The following C10orf90 variants were observed in gnomAD, a reference collection of about 807,000 sequenced individuals.
C10orf90 encodes the protein chromosome 10 open reading frame 90.
A neutral mutation model predicts 62.5 loss-of-function variants in C10orf90; 56 were observed. The observed-to-expected ratio is 0.90, with a 90% CI of 0.72 to 1.12. The LOEUF is 1.12. C10orf90 is among the 50% of genes most tolerant of loss of function. The pLI, the probability that C10orf90 is intolerant of heterozygous loss-of-function variation, is 0.00. For synonymous variants in C10orf90, 386 were observed against 340.4 expected, an observed-to-expected ratio of 1.13 and a Z score of -1.47; for missense variants, 970 against 880.4, an observed-to-expected ratio of 1.10 and a Z score of -1.29.
At chr10:126,611,881 G>A (rs914486233) in intron 2 of C10orf90, among the ~76,000 whole-genome samples, 5 of 152,158 alleles carry the variant, frequency 3.3e-5, no homozygotes, top group African/African-American at 1.2e-4. Flanking sequence ...ATTCACAATG[G>A]CACAAATCCC....
intron 8 of C10orf90, among the ~76,000 whole-genome samples, chr10:126,426,773 A>G (rs1318272840): frequency 6.6e-6 from 1 of 152,194 alleles, no homozygotes; most frequent in African/African-American, 2.4e-5. Flanking sequence ...TGTGGCACTC[A>G]GCTAAAACAT....
chr10:126,563,138 G>A (rs149106379), intron 2 of C10orf90, among the ~76,000 whole-genome samples: 232 of 152,304 alleles, frequency 1.5e-3, no homozygotes, highest in African/African-American at 5.5e-3. Context: ...ACTCCAGCTG[G>A]TTGTTGTTTA....
At chr10:126,596,637 CAG>C (rs749698210) in intron 2 of C10orf90, among the ~76,000 whole-genome samples, 117 of 152,312 alleles carry the variant, frequency 7.7e-4, no homozygotes, top group Middle Eastern at 3.4e-3. Context: ...TACAGTTGTG[CAG>C]AGTCATCTGA....
At chr10:126,444,688 AATC>A (rs753087289) in intron 7 of C10orf90, among the ~76,000 whole-genome samples, 2 of 152,162 alleles carry the variant, frequency 1.3e-5, no homozygotes, top group East Asian at 1.9e-4. Flanking sequence ...ATCCATGTGA[AATC>A]AAAAAAGAGC....
At chr10:126,493,970 C>T (rs116030943) in intron 4 of C10orf90, among the ~76,000 whole-genome samples, 1 of 152,204 alleles carries the variant, frequency 6.6e-6, no homozygotes, top group Admixed American at 6.5e-5. Context: ...TCTGATGCTC[C>T]ACTGTTCACA....
intron 2 of C10orf90, among the ~76,000 whole-genome samples, chr10:126,636,171 G>A (rs750903690): frequency 1.3e-5 from 2 of 152,128 alleles, no homozygotes; most frequent in Non-Finnish European, 2.9e-5. Context: ...TTTGCAGCAG[G>A]ACACGTGACA....
chr10:126,606,429 C>T (rs1013054690), intron 2 of C10orf90, among the ~76,000 whole-genome samples: 1 of 152,204 alleles, frequency 6.6e-6, no homozygotes, highest in African/African-American at 2.4e-5. Flanking sequence ...GATCCATGAA[C>T]ATCTGATTTA....
At chr10:126,618,411 C>G (rs1055710438) in intron 2 of C10orf90, among the ~76,000 whole-genome samples, 1 of 152,184 alleles carries the variant, frequency 6.6e-6, no homozygotes, top group African/African-American at 2.4e-5. Context: ...GGGCCTCCCG[C>G]CTCCCCACAT....
chr10:126,576,729 T>G (rs1844629234), intron 2 of C10orf90, among the ~76,000 whole-genome samples: 10 of 50,620 alleles, frequency 2.0e-4, no homozygotes, highest in Non-Finnish European at 3.0e-4. Flanking sequence ...GATATACATA[T>G]ATATGTATAT....
At chr10:126,531,940 C>T (rs1277008846) in intron 2 of C10orf90, among the ~76,000 whole-genome samples, 3 of 152,166 alleles carry the variant, frequency 2.0e-5, no homozygotes, top group Non-Finnish European at 4.4e-5. Context: ...AATAAAAAGA[C>T]AACCAATCCA....
intron 2 of C10orf90, among the ~76,000 whole-genome samples, chr10:126,542,399 A>G (rs1836941): frequency 0.65 from 98,872 of 151,942 alleles, 33,148 homozygotes; most frequent in African/African-American, 0.82. Context: ...GTTACTCGGG[A>G]TGCTGAGGCA....
intron 2 of C10orf90, among the ~76,000 whole-genome samples, chr10:126,558,927 CCA>C (rs1282252053): frequency 1.3e-5 from 2 of 152,190 alleles, no homozygotes; most frequent in Non-Finnish European, 2.9e-5. Context: ...AATGTGAGGG[CCA>C]CACACCATTA....
At chr10:126,644,097 G>A (rs1846117685) in intron 2 of C10orf90, among the ~76,000 whole-genome samples, 1 of 152,230 alleles carries the variant, frequency 6.6e-6, no homozygotes, top group Non-Finnish European at 1.5e-5. Context: ...CACGATTGGA[G>A]AGAATCCTGC....
At chr10:126,620,582 G>C (rs1385469233) in intron 2 of C10orf90, among the ~76,000 whole-genome samples, 2 of 152,020 alleles carry the variant, frequency 1.3e-5, no homozygotes, top group African/African-American at 4.8e-5. Flanking sequence ...ACTTTTATTT[G>C]TATTTCTTGA....
chr10:126,554,650 C>T (rs1864718822), intron 2 of C10orf90, among the ~76,000 whole-genome samples: 3 of 152,192 alleles, frequency 2.0e-5, no homozygotes, highest in African/African-American at 7.2e-5. Context: ...GTGATAGAGT[C>T]CTCTTCAACT....
chr10:126,586,269 G>A (rs564168808), intron 2 of C10orf90, among the ~76,000 whole-genome samples: 88 of 152,354 alleles, frequency 5.8e-4, no homozygotes, highest in Non-Finnish European at 1.2e-3. Flanking sequence ...AAAGAGATAT[G>A]AGGACGCTGT....
At chr10:126,537,561 C>T (rs529000624) in intron 2 of C10orf90, among the ~76,000 whole-genome samples, 21 of 152,290 alleles carry the variant, frequency 1.4e-4, no homozygotes, top group Admixed American at 2.6e-4. Flanking sequence ...GTCTGAGCTT[C>T]GAAGGTTGTT....
chr10:126,580,211 C>T (rs908385048), intron 2 of C10orf90, among the ~76,000 whole-genome samples: 8 of 152,184 alleles, frequency 5.3e-5, no homozygotes, highest in African/African-American at 1.9e-4. Context: ...GGATGCCCAC[C>T]GCTGTCCTAA....
intron 2 of C10orf90, among the ~76,000 whole-genome samples, chr10:126,597,342 C>T (rs1436570469): frequency 6.6e-6 from 1 of 152,166 alleles, no homozygotes; most frequent in Non-Finnish European, 1.5e-5. Context: ...ATGGATATTC[C>T]AGGCAGAGGG....
Sources: allele counts gnomAD v4.1 joint callset (sites outside exome capture counted in the v4.1 genomes callset), GRCh38; gene constraint gnomAD v4.1.1; transcripts MANE v1.5; gene names NCBI Gene and HGNC (gene_info 2026-07-23, HGNC 2026-07-21).